CPZ: variants seen among roughly 807,000 people sequenced by gnomAD.
The protein encoded by CPZ is carboxypeptidase Z.
In CPZ, 103 loss-of-function variants were observed where a neutral mutation model predicts 61.8. The ratio of observed to expected loss-of-function variants is 1.67; its 90% CI spans 1.42 to 1.96. The LOEUF is 1.96. CPZ is among the 30% of genes most tolerant of loss of function. CPZ has a pLI of 0.00. For synonymous variants in CPZ, 551 were observed against 373.7 expected (o/e 1.47, Z -5.47); for missense variants, 1,461 against 914.9 (o/e 1.60, Z -7.70).
intron 3 of CPZ, chr4:8,603,609 A>T: frequency 7.0e-6 from 2 of 287,282 alleles, no homozygotes; most frequent in Non-Finnish European, 1.3e-5. Context: ...CATGGAAAAC[A>T]CGCCCAGGAA....
chr4:8,618,581 A>G, intron 10 of CPZ, 53 bp downstream of exon 10: 1 of 1,559,160 alleles, frequency 6.4e-7, no homozygotes, highest in Non-Finnish European at 8.8e-7. Flanking sequence ...AGGAAATGCC[A>G]CACCGTGGCA....
chr4:8,603,071 C>T (rs1219586179), intron 3 of CPZ: 3 of 152,266 alleles, frequency 2.0e-5, no homozygotes, highest in Non-Finnish European at 4.4e-5. Flanking sequence ...GGCATCTCTA[C>T]CACCAAATTG....
chr4:8,609,241 T>TTG (rs1560298289), intron 7 of CPZ, among the ~76,000 whole-genome samples: 19 of 48,020 alleles, frequency 4.0e-4, no homozygotes, highest in Middle Eastern at 9.4e-3. Flanking sequence ...TTGTCACTCA[T>TTG]TCACTCATCA....
At chr4:8,608,654 G>A (rs1715258996) in intron 7 of CPZ, among the ~76,000 whole-genome samples, 1 of 151,484 alleles carries the variant, frequency 6.6e-6, no homozygotes, top group South Asian at 2.1e-4. Context: ...GTGTGCGTGT[G>A]CATGCATGTG....
chr4:8,603,004 A>C (rs1217105532), intron 3 of CPZ: 1 of 152,362 alleles, frequency 6.6e-6, no homozygotes, highest in Non-Finnish European at 1.5e-5. Flanking sequence ...GAGGCGAGGA[A>C]GGAAGCCAAG....
At chr4:8,595,151 C>G (rs181293493) in intron 1 of CPZ, among the ~76,000 whole-genome samples, 4 of 152,340 alleles carry the variant, frequency 2.6e-5, no homozygotes, top group African/African-American at 7.2e-5. Flanking sequence ...TAATGAAACA[C>G]ACTGTTTTTA....
chr4:8,601,086 T>C, intron 2 of CPZ, 37 bp from the exon 3 acceptor site: 1 of 1,537,930 alleles, frequency 6.5e-7, no homozygotes, highest in South Asian at 1.3e-5. Context: ...TCAGGGCCAC[T>C]GCAGGAGGGA....
chr4:8,618,302 T>TG (rs1256252092), intron 9 of CPZ, 127 bp from the exon 10 acceptor site: 2 of 767,854 alleles, frequency 2.6e-6, no homozygotes, highest in African/African-American at 3.5e-5. Flanking sequence ...GCTGGCAGAG[T>TG]GGGGCTCTGT....
chr4:8,610,718 G>C (rs1428315328), intron 7 of CPZ, among the ~76,000 whole-genome samples: 2 of 152,198 alleles, frequency 1.3e-5, no homozygotes, highest in African/African-American at 2.4e-5. Flanking sequence ...CTCCTGAGCT[G>C]ATGCTGCCCC....
intron 1 of CPZ, among the ~76,000 whole-genome samples, chr4:8,599,173 C>T (rs1714387606): frequency 6.6e-6 from 1 of 152,252 alleles, no homozygotes; most frequent in African/African-American, 2.4e-5. Context: ...CACCATGGCC[C>T]AGCCCCGGGC....
intron 5 of CPZ, among the ~76,000 whole-genome samples, chr4:8,606,468 G>T (rs957438337): frequency 6.6e-6 from 1 of 152,134 alleles, no homozygotes; most frequent in Non-Finnish European, 1.5e-5. Flanking sequence ...GGTAGCTCTC[G>T]GGGAGGTGGG....
At chr4:8,618,327 T>A in intron 9 of CPZ, 102 bp from the exon 10 acceptor site, 1 of 1,125,560 alleles carries the variant, frequency 8.9e-7, no homozygotes, top group Non-Finnish European at 1.3e-6. Flanking sequence ...TAGTTCCCCC[T>A]AGATACCAAG....
At chr4:8,610,628 A>G (rs962668481) in intron 7 of CPZ, among the ~76,000 whole-genome samples, 7 of 152,220 alleles carry the variant, frequency 4.6e-5, no homozygotes, top group Non-Finnish European at 1.0e-4. Context: ...TGGCCTGGGC[A>G]GATGGACCGT....
intron 9 of CPZ, among the ~76,000 whole-genome samples, chr4:8,614,833 G>T (rs947586509): frequency 6.6e-6 from 1 of 152,252 alleles, no homozygotes; most frequent in East Asian, 1.9e-4. Flanking sequence ...GGCTGGGGGG[G>T]CTTCCTGGAG....
rs141705895 is a variant in CPZ, at chr4:8,604,378, C to T, written c.709+190C>T. Among the ~76,000 whole-genome samples, 14 of 152,360 alleles carry T rather than the reference C, an allele frequency of 9.2e-5. No individual in the cohort carries two copies. The East Asian group carries it at 2.1e-3, about 23-fold the overall frequency. Reference sequence around the variant, plus strand: ...ACTATATGTATAAAGAAGAATTTCTCCAGATATCCATCTTACTTCAAAATG... The same window carrying T: ...ACTATATGTATAAAGAAGAATTTCTTCAGATATCCATCTTACTTCAAAATG... On this transcript the variant is annotated intron_variant, in intron 4 of 10. Coordinates refer to ENST00000360986, the MANE Select transcript of CPZ (RefSeq NM_001014447.3).
At chr4:8,617,308 A>G (rs112884665) in intron 9 of CPZ, among the ~76,000 whole-genome samples, 1 of 152,038 alleles carries the variant, frequency 6.6e-6, no homozygotes, top group Non-Finnish European at 1.5e-5. Flanking sequence ...GGTTTGTCTG[A>G]AGTGAACAGT....
At chr4:8,617,809 A>G (rs1716309635) in intron 9 of CPZ, among the ~76,000 whole-genome samples, 2 of 152,116 alleles carry the variant, frequency 1.3e-5, no homozygotes, top group Non-Finnish European at 2.9e-5. Flanking sequence ...TTTGTCATCA[A>G]CTGTTTTACA....
chr4:8,592,855 C>A lies in CPZ; in HGVS notation c.22C>A (p.Leu8Met), dbSNP rs1287382047. Residue 8 changes from leucine (L) to methionine (M), a missense_variant, in exon 1 of 11, where the codon CTG becomes ATG. Transcript: ENST00000360986. ...CACCATGCCGCCCCCGCTGCCGCTG[C>A]TGCTCCTTACAGTCCTGGTCGTCGC... MPPPLPLLLLTVLVVAAA... is the reference protein window; with the variant it reads MPPPLPLMLLTVLVVAAA... The A allele has an allele frequency of 1.9e-5, 28 of 1,507,202 alleles. No homozygotes were observed. The highest frequency in any genetic ancestry group is 2.5e-5 in the Non-Finnish European group (28 of 1,133,162). The allele number at this position is 1,507,202 out of a possible 1,614,324, so 93.4% of individuals were successfully genotyped here.
chr4:8,606,585 C>T, intron 5 of CPZ, 152 bp from the exon 6 acceptor site: 1 of 991,432 alleles, frequency 1.0e-6, no homozygotes, highest in Non-Finnish European at 1.5e-6. Flanking sequence ...GGAGAGGAGG[C>T]CAAGGGTCAG....
Sources: gnomAD v4.1 joint callset for allele counts (sites outside exome capture counted in the v4.1 genomes callset) on GRCh38, gnomAD v4.1.1 for gene constraint, MANE v1.5 for transcripts, NCBI Gene and HGNC (gene_info 2026-07-23, HGNC 2026-07-21) for gene names.